KSR1: variants seen among roughly 807,000 people sequenced by gnomAD.
The protein encoded by KSR1 is kinase suppressor of ras 1.
A neutral mutation model predicts 92.9 loss-of-function variants in KSR1; 35 were observed. The observed-to-expected ratio is 0.38, with a 90% CI of 0.29 to 0.50. The LOEUF (loss-of-function observed/expected upper bound fraction) is 0.50. Among genes scored for constraint, KSR1 ranks in the 20% least tolerant of loss-of-function variants. The probability of loss-of-function intolerance (pLI) is 0.94; values close to 1 mark genes in which losing one functional copy is unlikely to be tolerated. For missense variants in KSR1, 972 were observed against 1,158.5 expected (o/e 0.84, Z 2.34); for synonymous variants, 467 against 472.6 (o/e 0.99, Z 0.15).
chr17:27,502,008 G>C (rs1218544747), intron 1 of KSR1, among the ~76,000 whole-genome samples: 3 of 152,336 alleles, frequency 2.0e-5, no homozygotes, highest in South Asian at 2.1e-4. Flanking sequence ...CCAGGTACTG[G>C]GCTTGGTGGA....
chr17:27,554,587 A>G (rs1315574070), intron 2 of KSR1, among the ~76,000 whole-genome samples: 1 of 152,166 alleles, frequency 6.6e-6, no homozygotes, highest in Non-Finnish European at 1.5e-5. Context: ...ACTGTCTCCC[A>G]TCACCCCCAG....
chr17:27,563,231 T>C (rs1024557465), intron 2 of KSR1, among the ~76,000 whole-genome samples: 11 of 152,192 alleles, frequency 7.2e-5, no homozygotes, highest in African/African-American at 2.7e-4. Flanking sequence ...TATGTTACTT[T>C]CTTACTTTCT....
chr17:27,577,680 G>A lies in KSR1; in HGVS notation c.520+41G>A, dbSNP rs369843080. 6.8e-7 allele frequency: 1 copy of A among 1,465,742 alleles called. No homozygotes were observed. The highest frequency in any genetic ancestry group is 1.4e-5 in the African/African-American group (1 of 71,802). The allele number at this position is 1,465,742 out of a possible 1,614,324, so 90.8% of individuals were successfully genotyped here. A position where few individuals can be genotyped will look rare whatever the true frequency, so the allele number is the denominator to read the frequency against. On this transcript the variant is annotated intron_variant, in intron 3 of 20. Coordinates refer to ENST00000644974, the MANE Select transcript of KSR1 (RefSeq NM_001394583.1). This position sits in a 1 kb window ranked among gnomAD's most constrained non-coding sequence, Gnocchi z 4.5. Reference sequence around the variant, plus strand: ...CACCCTCTCCCTTGCCTGGCCTGGTGCCCTTGGGGCTGTGGCCTTCACTAT... The same window carrying A: ...CACCCTCTCCCTTGCCTGGCCTGGTACCCTTGGGGCTGTGGCCTTCACTAT...
At chr17:27,535,919 G>A (rs1156840175) in intron 1 of KSR1, among the ~76,000 whole-genome samples, 1 of 152,240 alleles carries the variant, frequency 6.6e-6, no homozygotes, top group Admixed American at 6.5e-5. Context: ...TGACATGACT[G>A]TCCATTCTTT....
intron 1 of KSR1, among the ~76,000 whole-genome samples, chr17:27,543,941 C>T (rs769174199): frequency 2.0e-5 from 3 of 152,136 alleles, no homozygotes; most frequent in Non-Finnish European, 2.9e-5. Flanking sequence ...ATCTCTGACA[C>T]GGGCAGATTC....
intron 1 of KSR1, among the ~76,000 whole-genome samples, chr17:27,514,908 G>A (rs1300808436): frequency 6.6e-6 from 1 of 152,166 alleles, no homozygotes; most frequent in Non-Finnish European, 1.5e-5. Context: ...TTTTAATGAG[G>A]AAAACTAACT....
intron 1 of KSR1, among the ~76,000 whole-genome samples, chr17:27,521,846 A>G (rs1359760092): frequency 6.6e-6 from 1 of 152,240 alleles, no homozygotes; most frequent in African/African-American, 2.4e-5. Flanking sequence ...GCTATGGGAA[A>G]GGCAGGCAGT....
chr17:27,521,631 C>G (rs1050108546), intron 1 of KSR1, among the ~76,000 whole-genome samples: 6 of 151,978 alleles, frequency 3.9e-5, no homozygotes, highest in African/African-American at 1.4e-4. Flanking sequence ...TAGGGTCTCA[C>G]TGTGTTGCCC....
rs1285679643 is a variant in KSR1 at position 27,577,253 on chromosome 17, G to C, written c.373-239G>C. On this transcript the variant is annotated intron_variant, in intron 2 of 20. Coordinates refer to ENST00000644974, the MANE Select transcript of KSR1 (RefSeq NM_001394583.1). This position sits in a 1 kb window ranked among gnomAD's most constrained non-coding sequence, Gnocchi z 4.5. ...AACATGCCCTCGTCCAAACCTTTCT[G>C]GTCTTTACTTCCTCCCCTCACCCCC... Among the ~76,000 whole-genome samples, 1 of 152,084 alleles carries C rather than the reference G, an allele frequency of 6.6e-6. No individual in the cohort carries two copies. The highest frequency in any genetic ancestry group is 2.4e-5 in the African/African-American group (1 of 41,394).
intron 1 of KSR1, chr17:27,465,569 T>G (rs1052110751): frequency 1.3e-5 from 2 of 152,134 alleles, no homozygotes. Flanking sequence ...TGTTTAAAAT[T>G]TTTAAAAAAG....
At chr17:27,616,570 T>A (rs61434663) in intron 18 of KSR1, among the ~76,000 whole-genome samples, 4 of 152,152 alleles carry the variant, frequency 2.6e-5, no homozygotes, top group Non-Finnish European at 5.9e-5. Flanking sequence ...CTCTCTCTGG[T>A]TTTCCTGATA....
At chr17:27,551,248 C>A (rs953724497) in intron 2 of KSR1, among the ~76,000 whole-genome samples, 4 of 152,196 alleles carry the variant, frequency 2.6e-5, no homozygotes, top group African/African-American at 9.7e-5. Context: ...GTTCTCTCTT[C>A]CTGTCTGTGC....
intron 1 of KSR1, among the ~76,000 whole-genome samples, chr17:27,464,417 CT>C: frequency 6.6e-6 from 1 of 152,278 alleles, no homozygotes; most frequent in Non-Finnish European, 1.5e-5. Flanking sequence ...AAATCCTTAA[CT>C]TTTATGGGGC....
intron 1 of KSR1, among the ~76,000 whole-genome samples, chr17:27,472,487 C>T (rs751835523): frequency 2.6e-5 from 4 of 152,186 alleles, no homozygotes; most frequent in Non-Finnish European, 5.9e-5. Flanking sequence ...CCTTGGGTTC[C>T]TTGCATGTAA....
At position 27,592,584 on chromosome 17, in the gene KSR1, C is replaced by T. The variant is rs936856347; in HGVS notation, c.1257C>T (p.Ala419=). The T allele has an allele frequency of 1.2e-5, 20 of 1,613,788 alleles. No homozygotes were observed. The highest frequency in any genetic ancestry group is 2.7e-5 in the African/African-American group (2 of 74,914). Residue 419 remains alanine, a synonymous_variant, in exon 9 of 21, where the codon GCC becomes GCT. Coordinates refer to ENST00000644974, the MANE Select transcript of KSR1 (RefSeq NM_001394583.1). ...SDINNPVDRA[A]EPHFGTLPKA... The stretch of plus-strand genomic sequence containing the variant: ...TCAACAACCCGGTGGACAGAGCAGC[C>T]GAACCCCATTTTGGAACCCTCCCCA...
chr17:27,461,096 C>G (rs563860820), intron 1 of KSR1, among the ~76,000 whole-genome samples: 1 of 151,954 alleles, frequency 6.6e-6, no homozygotes, highest in Non-Finnish European at 1.5e-5. Context: ...TTTTGTTTTT[C>G]TTTTAGTCAG....
intron 1 of KSR1, among the ~76,000 whole-genome samples, chr17:27,497,165 G>A (rs538727480): frequency 2.0e-5 from 3 of 152,248 alleles, no homozygotes; most frequent in South Asian, 2.1e-4. Flanking sequence ...GACAGCAGAC[G>A]TTCCCAAAAA....
chr17:27,571,752 C>T (rs1218353094), intron 2 of KSR1, among the ~76,000 whole-genome samples: 3 of 152,250 alleles, frequency 2.0e-5, no homozygotes, highest in Non-Finnish European at 4.4e-5. Context: ...CTTCCTTCAA[C>T]CCAGCTTTCA....
At chr17:27,609,832 A>C (rs2073865852) in intron 16 of KSR1, 1 of 440,480 alleles carries the variant, frequency 2.3e-6, no homozygotes, top group Non-Finnish European at 4.0e-6. Flanking sequence ...GCTCCCTGTC[A>C]ATATTTATCC....
Sources: gnomAD v4.1 joint callset for allele counts (sites outside exome capture counted in the v4.1 genomes callset) on GRCh38, gnomAD v4.1.1 for gene constraint, Gnocchi (gnomAD v3.1) non-coding constraint, MANE v1.5 for transcripts, NCBI Gene and HGNC (gene_info 2026-07-23, HGNC 2026-07-21) for gene names.